DOCK5: variants seen among roughly 807,000 people sequenced by gnomAD.
DOCK5 encodes the protein dedicator of cytokinesis 5.
Under a neutral mutation model 251.8 loss-of-function variants are expected in DOCK5, and 142 were observed. That is an observed-to-expected ratio of 0.56 (90% CI 0.49 to 0.65). DOCK5 has a LOEUF of 0.65. Ranked by LOEUF, DOCK5 falls within the 30% of genes least tolerant of loss-of-function variation. DOCK5 has a pLI of 0.00. For missense variants in DOCK5, 2,111 were observed against 2,312.3 expected (o/e 0.91, Z 1.79); for synonymous variants, 842 against 835.5 (o/e 1.01, Z -0.13).
chr8:25,355,577 A>G (rs1800552729), intron 27 of DOCK5, among the ~76,000 whole-genome samples: 1 of 152,024 alleles, frequency 6.6e-6, no homozygotes, highest in South Asian at 2.1e-4. Context: ...AGCCTCCCAA[A>G]TAGCTGGGGT....
intron 5 of DOCK5, among the ~76,000 whole-genome samples, chr8:25,289,170 GT>G (rs1187725943): frequency 9.9e-5 from 15 of 152,070 alleles, no homozygotes; most frequent in Admixed American, 9.8e-4. Context: ...TATTTTGGAT[GT>G]TTTCAGCCCT....
chr8:25,343,379 G>A (rs1049630718), intron 25 of DOCK5, among the ~76,000 whole-genome samples: 1 of 152,150 alleles, frequency 6.6e-6, no homozygotes, highest in Non-Finnish European at 1.5e-5. Context: ...CATTAATATT[G>A]TTGCCAGTTG....
intron 37 of DOCK5, chr8:25,375,524 G>A (rs1800948776): frequency 1.4e-5 from 3 of 214,240 alleles, no homozygotes; most frequent in Admixed American, 1.3e-4. Flanking sequence ...ACAGGCATGA[G>A]CCACCATGCT....
At position 25,321,014 on chromosome 8, in the gene DOCK5, A is replaced by G. The variant is rs760259638; in HGVS notation, c.1577A>G (p.His526Arg). 1 of 1,613,650 alleles carries G rather than the reference A, an allele frequency of 6.2e-7. No homozygotes were observed. Among genetic ancestry groups the G allele is most frequent in the East Asian group, 2.2e-5 (1 of 44,874 alleles). The change falls in exon 16 of 52, where the codon CAT becomes CGT. Residue 526 changes from histidine to arginine, a missense_variant. Physicochemically the swap from His to Arg is conservative, Grantham distance 29. Coordinates refer to ENST00000276440, the MANE Select transcript of DOCK5 (RefSeq NM_024940.8). ...SIAIEEVTRCHIRFTFRHRSS... is the reference protein window; with the variant it reads ...SIAIEEVTRCRIRFTFRHRSS... ...GCTATAGAAGAAGTCACACGCTGTC[A>G]TATAAGATTTACCTTCCGACACAGG...
rs2666172 is a variant in DOCK5, at chr8:25,325,453, C to G, written c.1809C>G (p.Ser603=). 6.2e-7 allele frequency: 1 copy of G among 1,613,660 alleles called. No individual in the cohort carries two copies. Residue 603 remains serine, a synonymous_variant, in exon 18 of 52, where the codon TCC becomes TCG. Coordinates refer to ENST00000276440, the MANE Select transcript of DOCK5 (RefSeq NM_024940.8). The stretch of plus-strand genomic sequence containing the variant: ...TGGAAGAAAAAGAGCTTCAAGCATC[C>G]AAAAACCTGGTCACCTTCACCCCAA... The part of the protein sequence containing the change: ...MEMEEKELQA[S]KNLVTFTPSK...
chr8:25,333,812 C>T lies in DOCK5; in HGVS notation c.2092-284C>T, dbSNP rs185997749. On this transcript the variant is annotated intron_variant, in intron 20 of 51. Transcript: ENST00000276440. ...CCTGCCCGTTAGGTTACCTGGGCAT[C>T]GACTCCCCTGTCTTTGAGATAGTCA... 7.8e-4 allele frequency among the ~76,000 whole-genome samples: 118 copies of T among 152,254 alleles called. 1 individual carries two copies. The East Asian group carries it at 0.013, about 16-fold the overall frequency.
intron 35 of DOCK5, 34 bp downstream of exon 35, chr8:25,372,752 A>G: frequency 6.3e-7 from 1 of 1,586,860 alleles, no homozygotes; most frequent in African/African-American, 1.3e-5. Flanking sequence ...ATGGGAGGGT[A>G]CTGTCAGGCC....
intron 2 of DOCK5, among the ~76,000 whole-genome samples, chr8:25,261,221 AT>A (rs1434593170): frequency 2.0e-5 from 3 of 152,002 alleles, no homozygotes; most frequent in Admixed American, 6.6e-5. Context: ...TTACATATAT[AT>A]TTTTTTCTTT....
intron 26 of DOCK5, 91 bp from the exon 27 acceptor site, chr8:25,351,640 G>C (rs1190697123): frequency 1.1e-6 from 1 of 947,780 alleles, no homozygotes; most frequent in African/African-American, 1.6e-5. Flanking sequence ...GCCAAAAAGA[G>C]ATCTAAAGAC....
At position 25,414,922 on chromosome 8, in the gene DOCK5, T is replaced by TTTTTTTTTTTTTTA. The variant is rs1554514401; in HGVS notation, c.*3624_*3625insTTTTTTTTTTTTTA. 1 of 145,566 alleles carries TTTTTTTTTTTTTTA rather than the reference T, an allele frequency of 6.9e-6. No homozygotes were observed. Among genetic ancestry groups the TTTTTTTTTTTTTTA allele is most frequent in the Non-Finnish European group, 1.5e-5 (1 of 65,990 alleles). The allele number at this position is 145,566 out of a possible 1,614,324, so 9.0% of individuals were successfully genotyped here. A position where few individuals can be genotyped will look rare whatever the true frequency, so the allele number is the denominator to read the frequency against. The stretch of plus-strand genomic sequence containing the variant: ...CCCTGGGCCTGTCTTTTTTTTTTTT[T>TTTTTTTTTTTTTTA]AATTTTGAAGCTACCTGAGGTTTAG... On this transcript the variant is annotated 3_prime_UTR_variant, in exon 52 of 52. Transcript: ENST00000276440.
chr8:25,384,696 T>C (rs1316626107), intron 40 of DOCK5, among the ~76,000 whole-genome samples: 2 of 151,888 alleles, frequency 1.3e-5, no homozygotes, highest in East Asian at 3.9e-4. Context: ...CTGACCTCAG[T>C]TGATCCCCCT....
chr8:25,212,971 G>A, intron 1 of DOCK5, among the ~76,000 whole-genome samples: 1 of 68,176 alleles, frequency 1.5e-5, no homozygotes, highest in Non-Finnish European at 4.8e-5. Flanking sequence ...TTAAAGGCTA[G>A]TTTCTGGGTT....
chr8:25,324,109 C>G (rs1162790087), intron 17 of DOCK5, among the ~76,000 whole-genome samples, 158 bp downstream of exon 17: 1 of 152,240 alleles, frequency 6.6e-6, no homozygotes, highest in Non-Finnish European at 1.5e-5. Context: ...GGCCCTCCAG[C>G]TTTGTGGTTT....
At chr8:25,214,367 G>A (rs1178766485) in intron 1 of DOCK5, among the ~76,000 whole-genome samples, 3 of 152,100 alleles carry the variant, frequency 2.0e-5, no homozygotes, top group African/African-American at 7.2e-5. Context: ...CCTGGACCCC[G>A]TGTTGGGTGT....
chr8:25,402,121 T>C (rs965456027), intron 47 of DOCK5, among the ~76,000 whole-genome samples: 2 of 152,088 alleles, frequency 1.3e-5, no homozygotes, highest in African/African-American at 4.8e-5. Flanking sequence ...GTCTTATTCT[T>C]TTTGTTTTGT....
chr8:25,255,422 C>T (rs566630295), intron 2 of DOCK5, among the ~76,000 whole-genome samples: 191 of 152,162 alleles, frequency 1.3e-3, no homozygotes, highest in Non-Finnish European at 2.2e-3. Context: ...ATGCATGTTA[C>T]TAAGTAAAAA....
chr8:25,292,038 C>A lies in DOCK5; in HGVS notation c.336C>A (p.Thr112=). The change falls in exon 6 of 52, where the codon ACC becomes ACA. Residue 112 remains threonine, a synonymous_variant. Transcript: ENST00000276440. ...WRKLYVNNKL[T]LFRQLQQMTY... The stretch of plus-strand genomic sequence containing the variant: ...TCTCATCTTAGAACAACAAGCTCAC[C>A]CTCTTCCGCCAGCTGCAGCAGATGA... The A allele has an allele frequency of 6.3e-7, 1 of 1,597,168 alleles. No homozygotes were observed. The highest frequency in any genetic ancestry group is 1.7e-5 in the Admixed American group (1 of 57,156).
In DOCK5 at chr8:25,372,656, A is replaced by G; in HGVS notation, c.3622A>G (p.Arg1208Gly). ...SSLLENLLDY[R>G]TIIMQDESKE... Reference sequence around the variant, plus strand: ...CCTCTTAGAGAACCTGCTGGACTATAGAACCATCATCATGCAAGATGAGAG... The same window carrying G: ...CCTCTTAGAGAACCTGCTGGACTATGGAACCATCATCATGCAAGATGAGAG... Residue 1208 changes from arginine to glycine, a missense_variant, in exon 35 of 52, where the codon AGA (arginine) becomes GGA (glycine). By Grantham distance (125) the Arg-to-Gly change is moderately radical (BLOSUM62 -2). Around this residue, in one of 3 missense-constraint regions of DOCK5, gnomAD observed 1,717 missense variants for 1,892.4 expected, o/e 0.91. Transcript: ENST00000276440. 1 of 1,611,368 alleles carries G rather than the reference A, an allele frequency of 6.2e-7. No individual in the cohort carries two copies. Among genetic ancestry groups the G allele is most frequent in the Non-Finnish European group, 8.5e-7 (1 of 1,178,790 alleles).
intron 1 of DOCK5, among the ~76,000 whole-genome samples, chr8:25,221,512 T>C (rs965283106): frequency 1.3e-5 from 2 of 152,148 alleles, no homozygotes; most frequent in African/African-American, 4.8e-5. Context: ...TTTCGCCAAG[T>C]TGGCCAGGAT....
Sources: gnomAD v4.1 joint callset for allele counts (sites outside exome capture counted in the v4.1 genomes callset) on GRCh38, gnomAD v4.1.1 for gene constraint, gnomAD v4.1.1 regional missense constraint, MANE v1.5 for transcripts, NCBI Gene and HGNC (gene_info 2026-07-23, HGNC 2026-07-21) for gene names.